The following WDFY3 variants were observed in gnomAD, a reference collection of about 807,000 sequenced individuals.
WDFY3 encodes WD repeat and FYVE domain containing 3, also known as WD repeat and FYVE domain-containing protein 3.
In WDFY3, 66 loss-of-function variants were observed where a neutral mutation model predicts 409.6. That is an observed-to-expected ratio of 0.16 (90% CI 0.13 to 0.20). WDFY3 has a LOEUF of 0.20. Among genes scored for constraint, WDFY3 ranks in the 10% least tolerant of loss-of-function variants. The pLI, the probability that WDFY3 is intolerant of heterozygous loss-of-function variation, is 1.00. For missense variants in WDFY3, 3,031 were observed against 4,298.1 expected, an observed-to-expected ratio of 0.71 and a Z score of 8.24; for synonymous variants, 1,521 against 1,537.1, an observed-to-expected ratio of 0.99 and a Z score of 0.25.
rs1314538248 is a variant in WDFY3 at position 84,670,378 on chromosome 4, G to C, written c.*2490C>G. On this transcript the variant is annotated 3_prime_UTR_variant, in exon 68 of 68. Transcript: ENST00000295888. ...AGAAAGATATCCAGAGAAATAATTA[G>C]TTTATGTATGTGAGTGTACTTGTAT... The C allele has an allele frequency of 6.6e-6, 1 of 152,636 alleles. No homozygotes were observed. The highest frequency in any genetic ancestry group is 1.5e-5 in the Non-Finnish European group (1 of 68,038). 9.5% of individuals were successfully genotyped at this position (152,636 alleles called of 1,614,324 possible). A position where few individuals can be genotyped will look rare whatever the true frequency, so the allele number is the denominator to read the frequency against.
At chr4:84,944,827 A>G (rs758348862) in intron 1 of WDFY3, among the ~76,000 whole-genome samples, 18 of 152,094 alleles carry the variant, frequency 1.2e-4, no homozygotes, top group Admixed American at 7.2e-4. Context: ...TAAATAATAC[A>G]TATAGTCACT....
chr4:84,684,965 A>T (rs1311346529), intron 62 of WDFY3, among the ~76,000 whole-genome samples: 1 of 152,208 alleles, frequency 6.6e-6, no homozygotes, highest in Admixed American at 6.5e-5. Context: ...TGAGATTATC[A>T]CTAGCCCTGC....
In WDFY3 at chr4:84,678,147, TG is replaced by T; in HGVS notation, c.10259+20del. ...AAATGACTCAGATGGGAAGCGGAGC[TG>T]GAAAAAGCCTGACACTTACTTGGAG... On this transcript the variant is annotated intron_variant, in intron 66 of 67. Coordinates refer to ENST00000295888, the MANE Select transcript of WDFY3 (RefSeq NM_014991.6). The T allele has an allele frequency of 6.3e-7, 1 of 1,596,352 alleles. No individual in the cohort carries two copies. The highest frequency in any genetic ancestry group is 8.6e-7 in the Non-Finnish European group (1 of 1,163,980).
At chr4:84,860,374 C>T (rs762681063) in intron 4 of WDFY3, 38 bp downstream of exon 4, 1 of 1,565,992 alleles carries the variant, frequency 6.4e-7, no homozygotes, top group Non-Finnish European at 8.7e-7. Flanking sequence ...TAGTGCCCCC[C>T]AGTCCCGGAA....
chr4:84,888,030 G>C (rs541388163), intron 3 of WDFY3, among the ~76,000 whole-genome samples: 2 of 152,216 alleles, frequency 1.3e-5, no homozygotes, highest in Admixed American at 6.5e-5. Flanking sequence ...CGGTATCTTG[G>C]CAAAGAATTC....
intron 1 of WDFY3, among the ~76,000 whole-genome samples, chr4:84,957,269 A>C (rs546416297): frequency 2.1e-4 from 32 of 151,834 alleles, no homozygotes; most frequent in Non-Finnish European, 3.8e-4. Context: ...AAAAAAAAAA[A>C]AAAAAACAAA....
chr4:84,880,674 C>CATATATATATATATAT (rs61351182), intron 3 of WDFY3, among the ~76,000 whole-genome samples: 18 of 50,356 alleles, frequency 3.6e-4, no homozygotes, highest in South Asian at 2.1e-3. Flanking sequence ...GGGAACCATA[C>CATATATATATATATAT]ATATATATAT....
At chr4:84,856,042 C>T (rs974152035) in intron 4 of WDFY3, among the ~76,000 whole-genome samples, 5 of 152,114 alleles carry the variant, frequency 3.3e-5, no homozygotes, top group African/African-American at 1.2e-4. Flanking sequence ...GTTGCACAGA[C>T]CCAAGCCACA....
chr4:84,779,174 T>A, intron 26 of WDFY3, among the ~76,000 whole-genome samples: 1 of 152,186 alleles, frequency 6.6e-6, no homozygotes, highest in East Asian at 1.9e-4. Flanking sequence ...ATTGTTCTAT[T>A]TTTTCATGAT....
rs116809683 is a variant in WDFY3 at position 84,697,710 on chromosome 4, C to T, written c.8597-887G>A. 4.1e-3 allele frequency among the ~76,000 whole-genome samples: 624 copies of T among 152,264 alleles called. 4 individuals are homozygous for T. Among genetic ancestry groups the T allele is most frequent in the African/African-American group, 0.014 (583 of 41,546 alleles). On this transcript the variant is annotated intron_variant, in intron 56 of 67. Coordinates refer to ENST00000295888, the MANE Select transcript of WDFY3 (RefSeq NM_014991.6). ...TTTTTATAGATACAAATCAGATTAT[C>T]ATTGTAAAAATGACTCTACAAACAA... is the stretch of plus-strand genomic sequence containing the variant.
intron 2 of WDFY3, among the ~76,000 whole-genome samples, chr4:84,909,620 T>TA (rs1767503866): frequency 6.6e-6 from 1 of 152,088 alleles, no homozygotes; most frequent in East Asian, 1.9e-4. Flanking sequence ...TAGTAAAAAT[T>TA]ATTCCTTATA....
intron 30 of WDFY3, among the ~76,000 whole-genome samples, chr4:84,770,747 G>A (rs911023005): frequency 2.6e-5 from 4 of 152,146 alleles, no homozygotes; most frequent in African/African-American, 4.8e-5. Flanking sequence ...TACTCTAAGA[G>A]CTACTTCCTT....
At chr4:84,928,908 C>A (rs1291610319) in intron 2 of WDFY3, among the ~76,000 whole-genome samples, 1 of 152,140 alleles carries the variant, frequency 6.6e-6, no homozygotes, top group South Asian at 2.1e-4. Flanking sequence ...ACTAGTACAG[C>A]CTCAAAAGTG....
intron 1 of WDFY3, among the ~76,000 whole-genome samples, chr4:84,940,491 T>C (rs1771966892): frequency 6.6e-6 from 1 of 152,112 alleles, no homozygotes; most frequent in Non-Finnish European, 1.5e-5. Flanking sequence ...CTTTGAAGTG[T>C]CATTGCCTCC....
chr4:84,933,978 A>G (rs1771097491), intron 1 of WDFY3, among the ~76,000 whole-genome samples: 1 of 152,118 alleles, frequency 6.6e-6, no homozygotes, highest in African/African-American at 2.4e-5. Context: ...CAGTGCTCAT[A>G]AATATGGGAG....
chr4:84,912,631 C>T lies in WDFY3; in HGVS notation c.-131-15621G>A, dbSNP rs186115400. 7.9e-5 allele frequency among the ~76,000 whole-genome samples: 12 copies of T among 151,910 alleles called. No individual in the cohort carries two copies. In the East Asian group the frequency reaches 1.4e-3, roughly 17 times the overall value. Reference sequence around the variant, plus strand: ...ATAAAAATGTCAAGAGAACAGGAGACGCAGCTTCTGCCAACCAAGAGGCAA... The same window carrying T: ...ATAAAAATGTCAAGAGAACAGGAGATGCAGCTTCTGCCAACCAAGAGGCAA... On this transcript the variant is annotated intron_variant, in intron 2 of 67. Transcript: ENST00000295888.
In WDFY3 at chr4:84,855,076, C is replaced by T. The variant is rs548058458; in HGVS notation, c.181-5051G>A. Among the ~76,000 whole-genome samples the T allele has an allele frequency of 8.5e-5, 13 of 152,258 alleles. No individual in the cohort carries two copies. In the East Asian group the frequency reaches 2.1e-3, roughly 25 times the overall value. On this transcript the variant is annotated intron_variant, in intron 4 of 67. Transcript: ENST00000295888. ...GAACAAAAATGACTTCTTGCAAATT[C>T]ACTGGAAATAACAATTACCATATAA...
intron 6 of WDFY3, among the ~76,000 whole-genome samples, chr4:84,837,516 A>T (rs1040233184): frequency 6.6e-6 from 1 of 152,148 alleles, no homozygotes; most frequent in Admixed American, 6.6e-5. Context: ...CATACAAAGA[A>T]ACATTAAGCA....
intron 5 of WDFY3, among the ~76,000 whole-genome samples, chr4:84,843,789 A>T (rs1757709687): frequency 6.6e-6 from 1 of 152,208 alleles, no homozygotes; most frequent in Non-Finnish European, 1.5e-5. Context: ...TATGTATACT[A>T]GCAAGGAATT....
Sources: gnomAD v4.1 joint callset for allele counts (sites outside exome capture counted in the v4.1 genomes callset) on GRCh38, gnomAD v4.1.1 for gene constraint, MANE v1.5 for transcripts, NCBI Gene and HGNC (gene_info 2026-07-23, HGNC 2026-07-21) for gene names.